SPAG16: variants seen among roughly 807,000 people sequenced by gnomAD.
SPAG16 encodes sperm-associated antigen 16 protein.
Under a neutral mutation model 80.4 loss-of-function variants are expected in SPAG16, and 86 were observed. The observed-to-expected ratio is 1.07, with a 90% CI of 0.90 to 1.28. The LOEUF (loss-of-function observed/expected upper bound fraction) is 1.28, where lower values mean the gene tolerates loss of function less well. SPAG16 is among the 50% of genes most tolerant of loss of function. SPAG16 has a pLI of 0.00. For synonymous variants in SPAG16, 294 were observed against 265.9 expected (o/e 1.11, Z -1.03); for missense variants, 870 against 765.3 (o/e 1.14, Z -1.61).
chr2:214,344,315 G>A (rs766503837), intron 15 of SPAG16, among the ~76,000 whole-genome samples: 6 of 152,180 alleles, frequency 3.9e-5, no homozygotes, highest in Non-Finnish European at 8.8e-5. Context: ...GGCTTTCCTG[G>A]TACTACGGAA....
At chr2:214,321,341 G>T (rs562488676) in intron 15 of SPAG16, among the ~76,000 whole-genome samples, 24 of 152,280 alleles carry the variant, frequency 1.6e-4, no homozygotes, top group African/African-American at 4.6e-4. Context: ...AATGATGATT[G>T]GATATTTAAC....
intron 13 of SPAG16, among the ~76,000 whole-genome samples, chr2:214,106,421 G>A (rs147222044): frequency 0.026 from 3,962 of 152,242 alleles, 84 homozygotes; most frequent in Non-Finnish European, 0.034. Context: ...GAGATTCTGA[G>A]AGAGTATCAA....
intron 15 of SPAG16, among the ~76,000 whole-genome samples, chr2:214,222,224 C>G (rs2058595137): frequency 6.7e-6 from 1 of 148,356 alleles, no homozygotes; most frequent in Non-Finnish European, 1.5e-5. Context: ...TCAAGCGAGT[C>G]TCCTGACTCA....
chr2:213,882,122 T>G (rs2076366865), intron 11 of SPAG16, among the ~76,000 whole-genome samples: 1 of 152,214 alleles, frequency 6.6e-6, no homozygotes, highest in Non-Finnish European at 1.5e-5. Flanking sequence ...GTTTATGTGT[T>G]AAATTATATT....
chr2:213,852,085 T>A lies in SPAG16; in HGVS notation c.1071-10400T>A, dbSNP rs111392846. Among the ~76,000 whole-genome samples, 1,355 of 152,364 alleles carry A rather than the reference T, an allele frequency of 8.9e-3. 17 individuals carry two copies. Among genetic ancestry groups the A allele is most frequent in the African/African-American group, 0.031 (1,305 of 41,582 alleles). On this transcript the variant is annotated intron_variant, in intron 10 of 15. Transcript: ENST00000331683. ...GTATACACATTTGTTTTGTGACTTT[T>A]ATTGCATTTGCATTTCACCTTGGCA...
At chr2:213,442,357 C>T (rs2071024717) in intron 9 of SPAG16, among the ~76,000 whole-genome samples, 1 of 152,068 alleles carries the variant, frequency 6.6e-6, no homozygotes, top group South Asian at 2.1e-4. Context: ...CCAACTTGAC[C>T]AGTAGATTGA....
intron 12 of SPAG16, among the ~76,000 whole-genome samples, chr2:214,007,977 C>T (rs530678229): frequency 6.6e-6 from 1 of 152,150 alleles, no homozygotes; most frequent in South Asian, 2.1e-4. Flanking sequence ...CCCTCCTTCT[C>T]TTCACCCCTC....
chr2:214,028,833 A>G (rs1353265491), intron 13 of SPAG16, among the ~76,000 whole-genome samples: 1 of 152,070 alleles, frequency 6.6e-6, no homozygotes, highest in African/African-American at 2.4e-5. Context: ...TATTGCATTC[A>G]ATACTATATT....
At chr2:213,864,084 AAAC>A (rs927515368) in intron 11 of SPAG16, among the ~76,000 whole-genome samples, 10 of 152,176 alleles carry the variant, frequency 6.6e-5, no homozygotes, top group African/African-American at 2.4e-4. Context: ...TGATCATTAG[AAAC>A]AACAACAAAA....
At chr2:213,457,010 G>C (rs776398464) in intron 9 of SPAG16, among the ~76,000 whole-genome samples, 7 of 151,194 alleles carry the variant, frequency 4.6e-5, no homozygotes, top group Non-Finnish European at 7.4e-5. Context: ...ATGTTGTGTA[G>C]GATCCTAAAT....
intron 15 of SPAG16, among the ~76,000 whole-genome samples, chr2:214,188,888 C>T (rs1410626744): frequency 6.6e-6 from 1 of 152,034 alleles, no homozygotes; most frequent in Non-Finnish European, 1.5e-5. Flanking sequence ...AGTGTGGGGT[C>T]CTGCATCCCT....
At chr2:214,019,655 C>T (rs1477007732) in intron 13 of SPAG16, among the ~76,000 whole-genome samples, 1 of 152,134 alleles carries the variant, frequency 6.6e-6, no homozygotes, top group Non-Finnish European at 1.5e-5. Flanking sequence ...TCATCCTGCA[C>T]CCTGCATAGG....
chr2:214,144,847 T>A (rs1012005017), intron 14 of SPAG16, among the ~76,000 whole-genome samples: 4 of 152,052 alleles, frequency 2.6e-5, no homozygotes, highest in Non-Finnish European at 5.9e-5. Flanking sequence ...ACTCATCAGG[T>A]TGAAGGTTCA....
At chr2:213,894,918 G>A (rs6728361) in intron 11 of SPAG16, among the ~76,000 whole-genome samples, 39,060 of 143,790 alleles carry the variant, frequency 0.27, 5,753 homozygotes, top group Middle Eastern at 0.46. Flanking sequence ...GAACCTAGGA[G>A]GCAGAAGTTG....
intron 7 of SPAG16, among the ~76,000 whole-genome samples, chr2:213,351,572 T>G (rs2065328174): frequency 6.6e-6 from 1 of 152,170 alleles, no homozygotes; most frequent in Non-Finnish European, 1.5e-5. Context: ...TTAAAACCAT[T>G]TATCAGTTTT....
intron 11 of SPAG16, among the ~76,000 whole-genome samples, chr2:213,896,634 A>G (rs766246611): frequency 2.8e-5 from 4 of 141,404 alleles, no homozygotes; most frequent in Non-Finnish European, 6.3e-5. Flanking sequence ...GTACATATAT[A>G]TGATATTCTA....
chr2:214,095,390 C>A (rs13014300), intron 13 of SPAG16, among the ~76,000 whole-genome samples: 23,295 of 152,062 alleles, frequency 0.15, 1,816 homozygotes, highest in East Asian at 0.17. Flanking sequence ...ATTAATCACA[C>A]GTGTCTATCA....
At chr2:213,974,403 G>T (rs1322485523) in intron 12 of SPAG16, among the ~76,000 whole-genome samples, 1 of 151,860 alleles carries the variant, frequency 6.6e-6, no homozygotes, top group East Asian at 1.9e-4. Context: ...ATAAATAAAA[G>T]ATTTGCTTAT....
At chr2:214,373,939 G>C (rs974537025) in intron 15 of SPAG16, among the ~76,000 whole-genome samples, 1 of 152,186 alleles carries the variant, frequency 6.6e-6, no homozygotes, top group African/African-American at 2.4e-5. Flanking sequence ...CCATGTTCCA[G>C]GGATATGGAG....
Sources: allele counts gnomAD v4.1 joint callset (sites outside exome capture counted in the v4.1 genomes callset), GRCh38; gene constraint gnomAD v4.1.1; transcripts MANE v1.5; gene names NCBI Gene and HGNC (gene_info 2026-07-23, HGNC 2026-07-21).